The following BLOC1S2 variants were observed in gnomAD, a reference collection of about 807,000 sequenced individuals.
The protein encoded by BLOC1S2 is biogenesis of lysosomal organelles complex 1 subunit 2.
In BLOC1S2, 12 loss-of-function variants were observed where a neutral mutation model predicts 19.6. That is an observed-to-expected ratio of 0.61 (90% CI 0.39 to 0.99). BLOC1S2 has a LOEUF of 0.99. Ranked by LOEUF, BLOC1S2 falls within the 50% of genes least tolerant of loss-of-function variation. BLOC1S2 has a pLI of 0.00. For missense variants in BLOC1S2, 142 were observed against 171.0 expected, an observed-to-expected ratio of 0.83 and a Z score of 0.95; for synonymous variants, 66 against 64.1, an observed-to-expected ratio of 1.03 and a Z score of -0.14.
Position 100,286,087 on chromosome 10 carries a change from C to G in BLOC1S2, c.172+10G>C. 1 of 1,613,460 alleles carries G rather than the reference C, an allele frequency of 6.2e-7. No individual in the cohort carries two copies. Among genetic ancestry groups the G allele is most frequent in the East Asian group, 2.2e-5 (1 of 44,846 alleles). Reference sequence around the variant, plus strand: ...AAACCGCACCCGAATCAACCCAGACCCCGCCTCACCCGTCAGTTCCCCAGT... The same window carrying G: ...AAACCGCACCCGAATCAACCCAGACGCCGCCTCACCCGTCAGTTCCCCAGT... On this transcript the variant is annotated intron_variant, in intron 2 of 4. Transcript: ENST00000370372.
At position 100,279,982 on chromosome 10, in the gene BLOC1S2, A is replaced by G. The variant is rs147828327; in HGVS notation, c.397+142T>C. The G allele has an allele frequency of 1.8e-3, 796 of 445,256 alleles. 9 individuals are homozygous for G. Among genetic ancestry groups the G allele is most frequent in the African/African-American group, 0.014 (685 of 49,196 alleles). 27.6% of individuals were successfully genotyped at this position (445,256 alleles called of 1,614,324 possible). A position where few individuals can be genotyped will look rare whatever the true frequency, so the allele number is the denominator to read the frequency against. The stretch of plus-strand genomic sequence containing the variant: ...GTAATCAGGAAATGTTATTTTTATT[A>G]ATATAATAATAAATTACTAAGGTTT... On this transcript the variant is annotated intron_variant, in intron 4 of 4. Coordinates refer to ENST00000370372, the MANE Select transcript of BLOC1S2 (RefSeq NM_173809.5).
chr10:100,281,411 C>T (rs556405264), intron 2 of BLOC1S2, among the ~76,000 whole-genome samples: 97 of 152,134 alleles, frequency 6.4e-4, no homozygotes, highest in African/African-American at 2.0e-3. Flanking sequence ...TCAGGCTGGG[C>T]GCGGTGGCTC....
chr10:100,286,493 C>T (rs1175097473), intron 1 of BLOC1S2, 112 bp downstream of exon 1: 2 of 1,527,942 alleles, frequency 1.3e-6, no homozygotes. Flanking sequence ...CAAGTGCACT[C>T]CTCTCACCAG....
chr10:100,283,331 A>G (rs946807433), intron 2 of BLOC1S2, among the ~76,000 whole-genome samples: 1 of 152,104 alleles, frequency 6.6e-6, no homozygotes, highest in East Asian at 1.9e-4. Flanking sequence ...TGGAGCATGT[A>G]ACCTCTGGAT....
chr10:100,278,258 G>A (rs527699204), intron 4 of BLOC1S2, among the ~76,000 whole-genome samples: 3 of 151,784 alleles, frequency 2.0e-5, no homozygotes, highest in Non-Finnish European at 4.4e-5. Flanking sequence ...GGAGCTGAGG[G>A]GCGCCTCTGC....
intron 4 of BLOC1S2, among the ~76,000 whole-genome samples, chr10:100,277,510 G>A (rs1338988624): frequency 1.6e-5 from 2 of 121,226 alleles, no homozygotes; most frequent in Admixed American, 7.7e-5. Flanking sequence ...GGAGGTGGGG[G>A]GGTCAGCCCC....
rs1167610196 is a variant in BLOC1S2, at chr10:100,280,953, T to C, written c.273A>G (p.Leu91=). ...ACTTACATTTCTGGTTTAAGTCCTT[T>C]AAGTTCCTACTAATGTTTATAGCAA... ...KDIAINISRN[L]KDLNQKYAGL... is the part of the protein sequence containing the mutation. Residue 91 remains leucine (L), a synonymous_variant, in exon 3 of 5, where the codon TTA becomes TTG. Coordinates refer to ENST00000370372, the MANE Select transcript of BLOC1S2 (RefSeq NM_173809.5). 1.2e-6 allele frequency: 2 copies of C among 1,611,650 alleles called. No homozygotes were observed. The highest frequency in any genetic ancestry group is 2.2e-5 in the South Asian group (2 of 90,626).
chr10:100,286,617 C>G lies in BLOC1S2; in HGVS notation c.43G>C (p.Glu15Gln). The G allele has an allele frequency of 6.2e-7, 1 of 1,612,816 alleles. No homozygotes were observed. ...AEGVLATRSD[E>Q]PARDDAAVET... ...CCATTCCGGGTACCTCGGGCGGGCT[C>G]ATCACTCCGGGTCGCCAGTACGCCC... Residue 15 changes from glutamate to glutamine, a missense_variant, in exon 1 of 5, where the codon GAG (glutamate) becomes CAG (glutamine). Physicochemically the swap from Glu to Gln is conservative, Grantham distance 29. Transcript: ENST00000370372.
At chr10:100,279,429 A>C (rs1156873907) in intron 4 of BLOC1S2, among the ~76,000 whole-genome samples, 1 of 152,162 alleles carries the variant, frequency 6.6e-6, no homozygotes, top group Admixed American at 6.5e-5. Context: ...TGCCTACAAA[A>C]TGAGGATAAA....
chr10:100,284,976 G>A (rs1848198188), intron 2 of BLOC1S2, among the ~76,000 whole-genome samples: 1 of 152,106 alleles, frequency 6.6e-6, no homozygotes, highest in South Asian at 2.1e-4. Context: ...TTTAAGCCTG[G>A]GTGGTGCCAT....
At position 100,276,327 on chromosome 10, in the gene BLOC1S2, C is replaced by CCCG. The variant is rs1564870924; in HGVS notation, c.398-835_398-834insCGG. Among the ~76,000 whole-genome samples the CCCG allele has an allele frequency of 8.7e-4, 54 of 62,008 alleles. 9 individuals carry two copies. The highest frequency in any genetic ancestry group is 2.0e-3 in the African/African-American group (36 of 18,410). The allele number at this position is 62,008 out of a possible 152,430, so 40.7% of individuals were successfully genotyped here. A position where few individuals can be genotyped will look rare whatever the true frequency, so the allele number is the denominator to read the frequency against. On this transcript the variant is annotated intron_variant, in intron 4 of 4. Coordinates refer to ENST00000370372, the MANE Select transcript of BLOC1S2 (RefSeq NM_173809.5). ...CCATCTCCCTCTCCCGTCTCCCTCT[C>CCCG]TCTCTCCCGTCTCCCTCTCCCGTCT... is the stretch of plus-strand genomic sequence containing the variant.
At chr10:100,285,418 C>T (rs1378614471) in intron 2 of BLOC1S2, among the ~76,000 whole-genome samples, 1 of 152,160 alleles carries the variant, frequency 6.6e-6, no homozygotes, top group Non-Finnish European at 1.5e-5. Context: ...CCCGCCACCA[C>T]GGCCGGCTAA....
At position 100,274,900 on chromosome 10, in the gene BLOC1S2, T is replaced by C. The variant is rs112642355; in HGVS notation, c.*562A>G. ...TACTCCTTTCACCATTTCTGCTCAA[T>C]CTAGAAGACTCAGCTTGGAATTATT... On this transcript the variant is annotated 3_prime_UTR_variant, in exon 5 of 5. Coordinates refer to ENST00000370372, the MANE Select transcript of BLOC1S2 (RefSeq NM_173809.5). The C allele has an allele frequency of 1.4e-3, 556 of 398,500 alleles. 2 individuals carry two copies. The highest frequency in any genetic ancestry group is 8.4e-3 in the African/African-American group (410 of 48,738). The allele number at this position is 398,500 out of a possible 1,614,324, so 24.7% of individuals were successfully genotyped here.
chr10:100,277,588 C>A (rs1414184045), intron 4 of BLOC1S2, among the ~76,000 whole-genome samples: 1 of 124,222 alleles, frequency 8.1e-6, no homozygotes, highest in Non-Finnish European at 1.8e-5. Flanking sequence ...CCAGCCGCTC[C>A]GTCCGGGAGG....
chr10:100,273,304 CTT>C lies in BLOC1S2; in HGVS notation c.*2156_*2157del, dbSNP rs1847767549. The C allele has an allele frequency of 6.6e-6, 1 of 152,188 alleles. No homozygotes were observed. Among genetic ancestry groups the C allele is most frequent in the Non-Finnish European group, 1.5e-5 (1 of 68,036 alleles). The allele number at this position is 152,188 out of a possible 1,614,324, so 9.4% of individuals were successfully genotyped here. A position where few individuals can be genotyped will look rare whatever the true frequency, so the allele number is the denominator to read the frequency against. On this transcript the variant is annotated 3_prime_UTR_variant, in exon 5 of 5. Transcript: ENST00000370372. ...TAAGGTGAAGGACATCCCAATAACT[CTT>C]GATTTAATATTTACACATTATATAC...
chr10:100,278,112 G>GA (rs1847983359), intron 4 of BLOC1S2, among the ~76,000 whole-genome samples: 1 of 114,298 alleles, frequency 8.7e-6, no homozygotes, highest in Non-Finnish European at 2.0e-5. Context: ...GAGGTGGGGG[G>GA]GCGGTCAGCG....
chr10:100,277,677 C>G (rs566038161), intron 4 of BLOC1S2, among the ~76,000 whole-genome samples: 7 of 138,356 alleles, frequency 5.1e-5, no homozygotes, highest in East Asian at 2.3e-4. Context: ...CCCCCCCGCC[C>G]GGCCAGCCGC....
Position 100,279,619 on chromosome 10 carries a change from AT to A in BLOC1S2, c.397+504del, listed in dbSNP as rs1483824539. 2.0e-5 allele frequency among the ~76,000 whole-genome samples: 3 copies of A among 152,310 alleles called. No individual in the cohort carries two copies. The East Asian group carries it at 5.8e-4, about 29-fold the overall frequency. On this transcript the variant is annotated intron_variant, in intron 4 of 4. Coordinates refer to ENST00000370372, the MANE Select transcript of BLOC1S2 (RefSeq NM_173809.5). ...ACTTACCTCACAGATTATTGGGAAG[AT>A]AAAAAACATAATACAGGCCAGGCCG...
At chr10:100,285,274 G>A (rs1368080287) in intron 2 of BLOC1S2, among the ~76,000 whole-genome samples, 1 of 151,626 alleles carries the variant, frequency 6.6e-6, no homozygotes, top group Non-Finnish European at 1.5e-5. Flanking sequence ...TTTTTTTTGA[G>A]ATGGAGTCAC....
Sources: gnomAD v4.1 joint callset for allele counts (sites outside exome capture counted in the v4.1 genomes callset) on GRCh38, gnomAD v4.1.1 for gene constraint, MANE v1.5 for transcripts, NCBI Gene and HGNC (gene_info 2026-07-23, HGNC 2026-07-21) for gene names.